Variants in GLB1 observed in about 807,000 individuals in gnomAD.
GLB1 encodes the protein galactosidase beta 1.
GLB1 carries 56 observed loss-of-function variants against 74.0 expected under a neutral mutation model. That is an observed-to-expected ratio of 0.76 (90% CI 0.61 to 0.94). GLB1 has a LOEUF of 0.94. Among genes scored for constraint, GLB1 ranks in the 40% least tolerant of loss-of-function variants. The pLI, the probability that GLB1 is intolerant of heterozygous loss-of-function variation, is 0.00. For synonymous variants in GLB1, 323 were observed against 323.6 expected (o/e 1.00, Z 0.02); for missense variants, 787 against 845.5 (o/e 0.93, Z 0.86).
the GLB1 span, among the ~76,000 whole-genome samples, chr3:32,973,186 C>T: frequency 6.6e-6 from 1 of 152,108 alleles, no homozygotes; most frequent in East Asian, 1.9e-4. Context: ...TAAGAAATAT[C>T]CTCTTGAACC....
At chr3:33,087,666 A>C (rs1559419497) in intron 1 of GLB1, among the ~76,000 whole-genome samples, 1 of 151,966 alleles carries the variant, frequency 6.6e-6, no homozygotes, top group African/African-American at 2.4e-5. Flanking sequence ...GCTTCACTGG[A>C]GAATTCTACC....
the GLB1 span, among the ~76,000 whole-genome samples, chr3:32,975,538 AGTACAGG>A: frequency 6.6e-6 from 1 of 152,212 alleles, no homozygotes; most frequent in Non-Finnish European, 1.5e-5. Context: ...AACAATACCC[AGTACAGG>A]GGCAACTTCA....
chr3:32,997,631 C>G (rs905377621), intron 15 of GLB1, among the ~76,000 whole-genome samples: 2 of 152,262 alleles, frequency 1.3e-5, no homozygotes, highest in Non-Finnish European at 1.5e-5. Flanking sequence ...GTCCCTCTGA[C>G]GGGCTTCAGT....
intron 4 of GLB1, among the ~76,000 whole-genome samples, chr3:33,067,955 G>A (rs1051793707): frequency 5.9e-5 from 9 of 152,106 alleles, no homozygotes; most frequent in African/African-American, 9.7e-5. Flanking sequence ...ATACGATCTC[G>A]GTTCACTGCA....
intron 1 of GLB1, chr3:33,094,316 A>G: frequency 6.8e-7 from 1 of 1,477,914 alleles, no homozygotes; most frequent in Non-Finnish European, 9.0e-7. Flanking sequence ...GCAACCAGGA[A>G]CCAGCATCAG....
At chr3:33,001,759 A>T (rs1696580548) in intron 15 of GLB1, among the ~76,000 whole-genome samples, 1 of 152,222 alleles carries the variant, frequency 6.6e-6, no homozygotes, top group Non-Finnish European at 1.5e-5. Flanking sequence ...TCTGCCAAGA[A>T]AAGATTCGTT....
intron 14 of GLB1, among the ~76,000 whole-genome samples, chr3:33,015,194 A>T (rs542240300): frequency 3.3e-5 from 5 of 152,122 alleles, no homozygotes; most frequent in African/African-American, 1.2e-4. Context: ...TGAGTGTGGG[A>T]TACAAAGGAA....
the GLB1 span, among the ~76,000 whole-genome samples, chr3:32,974,940 C>T: frequency 6.6e-6 from 1 of 152,162 alleles, no homozygotes; most frequent in Non-Finnish European, 1.5e-5. Flanking sequence ...TGTCTGCGCA[C>T]CCTGTAACCT....
chr3:32,977,637 C>T, the GLB1 span, among the ~76,000 whole-genome samples: 2 of 152,196 alleles, frequency 1.3e-5, no homozygotes, highest in Admixed American at 1.3e-4. Context: ...TGAGGACCTA[C>T]TATGGGCTAG....
the GLB1 span, among the ~76,000 whole-genome samples, chr3:32,976,074 A>G: frequency 6.6e-6 from 1 of 151,996 alleles, no homozygotes; most frequent in Non-Finnish European, 1.5e-5. Context: ...TGGTGTTGCA[A>G]TTTTGCGAGT....
rs1429811217 is a variant in GLB1 at position 33,014,366 on chromosome 3, A to G, written c.1480-56T>C. 3.8e-6 allele frequency: 6 copies of G among 1,596,482 alleles called. No individual in the cohort carries two copies. The South Asian group carries it at 4.5e-5, about 12-fold the overall frequency. On this transcript the variant is annotated intron_variant, in intron 14 of 15. Coordinates refer to ENST00000307363, the MANE Select transcript of GLB1 (RefSeq NM_000404.4). Reference sequence around the variant, plus strand: ...GGGGAGGGAAGGAAAAAGGCTTCACATGTCTCTGCATTCCAGGGAAATGGG... The same window carrying G: ...GGGGAGGGAAGGAAAAAGGCTTCACGTGTCTCTGCATTCCAGGGAAATGGG...
At chr3:33,095,115 G>A (rs139391265) in intron 1 of GLB1, among the ~76,000 whole-genome samples, 1,542 of 150,794 alleles carry the variant, frequency 0.01, 13 homozygotes, top group Non-Finnish European at 0.017. Flanking sequence ...GGAGGCTGAG[G>A]CAGGAGAATC....
intron 10 of GLB1, among the ~76,000 whole-genome samples, chr3:33,040,754 C>T (rs554084858): frequency 6.6e-6 from 1 of 152,190 alleles, no homozygotes; most frequent in East Asian, 1.9e-4. Context: ...AAAGACTCTG[C>T]ATACTGAAAT....
intron 6 of GLB1, among the ~76,000 whole-genome samples, chr3:33,056,414 G>A (rs1699225622): frequency 6.6e-6 from 1 of 150,810 alleles, no homozygotes; most frequent in South Asian, 2.1e-4. Context: ...TTGTGTGTGT[G>A]TATCTTTTTT....
chr3:33,035,527 T>C (rs1485159383), intron 10 of GLB1, among the ~76,000 whole-genome samples: 2 of 152,234 alleles, frequency 1.3e-5, no homozygotes, highest in Non-Finnish European at 2.9e-5. Context: ...GAAATTCTAA[T>C]TCTTAAGGTG....
chr3:33,052,063 C>T (rs1404573925), intron 7 of GLB1, 59 bp from the exon 8 acceptor site: 4 of 1,604,590 alleles, frequency 2.5e-6, no homozygotes, highest in Non-Finnish European at 1.7e-6. Context: ...AATGCCAGGG[C>T]TTCCCTGCAA....
chr3:33,072,464 C>T (rs1331391917), intron 2 of GLB1, 80 bp downstream of exon 2: 69 of 1,594,962 alleles, frequency 4.3e-5, no homozygotes, highest in Non-Finnish European at 5.3e-5. Flanking sequence ...ATAAAATAGC[C>T]ACCCTGAGAA....
chr3:32,979,864 A>G, the GLB1 span, among the ~76,000 whole-genome samples: 143 of 149,052 alleles, frequency 9.6e-4, 4 homozygotes, highest in African/African-American at 3.2e-3. Flanking sequence ...AAAAAAAAAA[A>G]AAAAAAAAAA....
chr3:33,068,039 C>T (rs1699755632), intron 4 of GLB1, among the ~76,000 whole-genome samples, 191 bp downstream of exon 4: 3 of 152,152 alleles, frequency 2.0e-5, no homozygotes, highest in Non-Finnish European at 4.4e-5. Flanking sequence ...GCGCCCACCA[C>T]CATGCCCAGC....
Sources: gnomAD v4.1 joint callset for allele counts (sites outside exome capture counted in the v4.1 genomes callset) on GRCh38, gnomAD v4.1.1 for gene constraint, MANE v1.5 for transcripts, NCBI Gene and HGNC (gene_info 2026-07-23, HGNC 2026-07-21) for gene names.